Variants in ROBO1 observed in about 807,000 individuals in gnomAD.
ROBO1 encodes roundabout guidance receptor 1, also known as roundabout homolog 1.
A neutral mutation model predicts 195.9 loss-of-function variants in ROBO1; 149 were observed. The observed-to-expected ratio is 0.76, with a 90% CI of 0.67 to 0.87. ROBO1 has a LOEUF of 0.87. Ranked by LOEUF, ROBO1 falls within the 40% of genes least tolerant of loss-of-function variation. The probability of loss-of-function intolerance (pLI) is 0.00; values close to 1 mark genes in which losing one functional copy is unlikely to be tolerated. For missense variants in ROBO1, 1,933 were observed against 2,068.3 expected, an observed-to-expected ratio of 0.93 and a Z score of 1.27; for synonymous variants, 816 against 733.2, an observed-to-expected ratio of 1.11 and a Z score of -1.82.
At chr3:79,452,115 C>A (rs1001726743) in intron 2 of ROBO1, among the ~76,000 whole-genome samples, 1 of 152,020 alleles carries the variant, frequency 6.6e-6, no homozygotes, top group Admixed American at 6.6e-5. Context: ...TCTTTAATGA[C>A]ATAGATGTCT....
rs960290250 is a variant in ROBO1 at position 79,187,029 on chromosome 3, T to C, written c.89-61490A>G. ...AAGCCTTCTGATGTGAGTGGGAAGA[T>C]GGATAATTCACATCAGCATTCTGCT... On this transcript the variant is annotated intron_variant, in intron 2 of 30. Coordinates refer to ENST00000464233, the MANE Select transcript of ROBO1 (RefSeq NM_002941.4). Among the ~76,000 whole-genome samples, 4 of 152,080 alleles carry C rather than the reference T, an allele frequency of 2.6e-5. No individual in the cohort carries two copies. In the South Asian group the frequency reaches 8.3e-4, roughly 31 times the overall value.
At chr3:78,986,563 C>T (rs2077110971) in intron 3 of ROBO1, among the ~76,000 whole-genome samples, 1 of 152,114 alleles carries the variant, frequency 6.6e-6, no homozygotes, top group Non-Finnish European at 1.5e-5. Context: ...TGGTTCAGCA[C>T]TACTTGCCCT....
intron 2 of ROBO1, among the ~76,000 whole-genome samples, chr3:79,199,817 C>T (rs576617501): frequency 2.0e-5 from 3 of 151,844 alleles, no homozygotes; most frequent in African/African-American, 2.4e-5. Context: ...AACTTAGCTA[C>T]TTGTTTTACT....
At chr3:79,208,642 T>A (rs1011413226) in intron 2 of ROBO1, among the ~76,000 whole-genome samples, 13 of 151,424 alleles carry the variant, frequency 8.6e-5, no homozygotes, top group Non-Finnish European at 1.5e-4. Context: ...AAGCAAGGGT[T>A]TGCAAGAAAG....
intron 1 of ROBO1, among the ~76,000 whole-genome samples, chr3:79,622,900 C>T (rs1439779472): frequency 6.6e-6 from 1 of 152,202 alleles, no homozygotes; most frequent in Non-Finnish European, 1.5e-5. Flanking sequence ...ACATCCTATA[C>T]AGGAGCAATC....
At chr3:79,674,069 T>C (rs899537054) in intron 1 of ROBO1, among the ~76,000 whole-genome samples, 7 of 152,028 alleles carry the variant, frequency 4.6e-5, no homozygotes, top group Admixed American at 1.3e-4. Flanking sequence ...ACTGCTTTCC[T>C]GAAAATACAG....
At chr3:79,575,992 C>A (rs1943473037) in intron 2 of ROBO1, among the ~76,000 whole-genome samples, 1 of 151,730 alleles carries the variant, frequency 6.6e-6, no homozygotes, top group Admixed American at 6.6e-5. Flanking sequence ...TAGTTATTTT[C>A]TTTGATTTCT....
At chr3:79,299,963 C>A (rs768564456) in intron 2 of ROBO1, among the ~76,000 whole-genome samples, 1 of 152,082 alleles carries the variant, frequency 6.6e-6, no homozygotes, top group African/African-American at 2.4e-5. Context: ...CTGTGAAATA[C>A]TTATTTAATA....
At chr3:78,730,882 A>C (rs1439607554) in intron 5 of ROBO1, among the ~76,000 whole-genome samples, 1 of 152,214 alleles carries the variant, frequency 6.6e-6, no homozygotes, top group East Asian at 1.9e-4. Context: ...CTTCAATGTG[A>C]GGAAGAAAAT....
chr3:78,845,471 T>TGG (rs2033598407), intron 4 of ROBO1, among the ~76,000 whole-genome samples: 1 of 152,170 alleles, frequency 6.6e-6, no homozygotes, highest in South Asian at 2.1e-4. Context: ...TCTTGTATTT[T>TGG]ATATGTATAC....
chr3:79,202,063 C>A (rs1209372587), intron 2 of ROBO1, among the ~76,000 whole-genome samples: 1 of 151,854 alleles, frequency 6.6e-6, no homozygotes, highest in Non-Finnish European at 1.5e-5. Flanking sequence ...TCTGTGAAAC[C>A]ATCCATGATC....
chr3:79,618,745 G>A (rs1231225027), intron 1 of ROBO1, among the ~76,000 whole-genome samples: 1 of 152,076 alleles, frequency 6.6e-6, no homozygotes, highest in Non-Finnish European at 1.5e-5. Context: ...CTCACTCCAT[G>A]AGGAGATCCA....
intron 4 of ROBO1, among the ~76,000 whole-genome samples, chr3:78,751,284 C>A (rs1401520585): frequency 6.6e-6 from 1 of 150,486 alleles, no homozygotes; most frequent in East Asian, 1.9e-4. Flanking sequence ...GAGGAGCATG[C>A]CACATAAATA....
intron 2 of ROBO1, among the ~76,000 whole-genome samples, chr3:79,342,478 C>T (rs2034946191): frequency 1.3e-5 from 2 of 152,218 alleles, no homozygotes; most frequent in East Asian, 1.9e-4. Context: ...ACTTCGAGTG[C>T]TTGTTAAAAA....
chr3:78,934,004 A>G (rs2039668645), intron 4 of ROBO1, among the ~76,000 whole-genome samples: 2 of 152,024 alleles, frequency 1.3e-5, no homozygotes, highest in African/African-American at 4.8e-5. Context: ...TTTTATTTAA[A>G]TTTAAGTATC....
chr3:78,687,788 C>T (rs2081084150), intron 9 of ROBO1, among the ~76,000 whole-genome samples: 1 of 152,036 alleles, frequency 6.6e-6, no homozygotes, highest in Non-Finnish European at 1.5e-5. Flanking sequence ...CCATGCCCCA[C>T]TAATTGTTTA....
At chr3:79,394,730 G>T (rs2037075920) in intron 2 of ROBO1, among the ~76,000 whole-genome samples, 1 of 152,014 alleles carries the variant, frequency 6.6e-6, no homozygotes, top group Non-Finnish European at 1.5e-5. Flanking sequence ...TCCTATTCTT[G>T]ATGAAAATTC....
chr3:79,337,384 T>C (rs1341112730), intron 2 of ROBO1, among the ~76,000 whole-genome samples: 1 of 152,192 alleles, frequency 6.6e-6, no homozygotes, highest in Non-Finnish European at 1.5e-5. Flanking sequence ...CCCCATATTG[T>C]TCTCATGGTA....
At chr3:79,400,501 C>T (rs978699689) in intron 2 of ROBO1, among the ~76,000 whole-genome samples, 2 of 152,006 alleles carry the variant, frequency 1.3e-5, no homozygotes, top group Admixed American at 6.6e-5. Flanking sequence ...TTGAAGGCTT[C>T]AGTTTAAAAA....
Sources: gnomAD v4.1 joint callset for allele counts (sites outside exome capture counted in the v4.1 genomes callset) on GRCh38, gnomAD v4.1.1 for gene constraint, MANE v1.5 for transcripts, NCBI Gene and HGNC (gene_info 2026-07-23, HGNC 2026-07-21) for gene names.